Variants in DIP2A observed in about 807,000 individuals in gnomAD.
DIP2A encodes disco-interacting protein 2 homolog A.
Under a neutral mutation model 177.4 loss-of-function variants are expected in DIP2A, and 85 were observed. The observed-to-expected ratio is 0.48, with a 90% CI of 0.40 to 0.57. DIP2A has a LOEUF of 0.57. DIP2A is among the 20% of genes least tolerant of loss of function. The pLI is 0.00. For synonymous variants in DIP2A, 886 were observed against 881.8 expected (o/e 1.00, Z -0.08); for missense variants, 1,791 against 2,100.2 (o/e 0.85, Z 2.88).
chr21:46,494,135 T>G (rs1348966916), intron 3 of DIP2A, among the ~76,000 whole-genome samples: 3 of 152,254 alleles, frequency 2.0e-5, no homozygotes, highest in Non-Finnish European at 4.4e-5. Context: ...ATAGCAAATA[T>G]TCAGCCAATG....
chr21:46,573,625 CAG>C (rs1167648169), downstream of DIP2A, among the ~76,000 whole-genome samples: 2 of 95,842 alleles, frequency 2.1e-5, no homozygotes, highest in Non-Finnish European at 4.0e-5. Context: ...GCCTGGGAGA[CAG>C]AGTAAGACCC....
chr21:46,554,473 C>T (rs1398198214), intron 26 of DIP2A, 102 bp from the exon 27 acceptor site: 10 of 1,548,114 alleles, frequency 6.5e-6, no homozygotes, highest in Non-Finnish European at 8.7e-6. Context: ...CACCCATGCC[C>T]CCCCAGCACC....
chr21:46,498,502 A>C lies in DIP2A; in HGVS notation c.404-80A>C. ...GAAGCATGCTGCACACAGGTCTGGG[A>C]GGCTCCAGTGTGAGTGGGAACTCCG... On this transcript the variant is annotated intron_variant, in intron 4 of 37. Coordinates refer to ENST00000417564, the MANE Select transcript of DIP2A (RefSeq NM_015151.4). This position sits in a 1 kb window ranked among gnomAD's most constrained non-coding sequence, Gnocchi z 4.3. 1 of 1,506,114 alleles carries C rather than the reference A, an allele frequency of 6.6e-7. No homozygotes were observed. Among genetic ancestry groups the C allele is most frequent in the Non-Finnish European group, 9.0e-7 (1 of 1,112,654 alleles). The allele number at this position is 1,506,114 out of a possible 1,614,324, so 93.3% of individuals were successfully genotyped here. A position where few individuals can be genotyped will look rare whatever the true frequency, so the allele number is the denominator to read the frequency against.
At chr21:46,482,822 G>A (rs1407039569) in intron 1 of DIP2A, among the ~76,000 whole-genome samples, 1 of 152,296 alleles carries the variant, frequency 6.6e-6, no homozygotes, top group Non-Finnish European at 1.5e-5. Context: ...TGCAGCAGTG[G>A]AGTTCAGCCA....
intron 1 of DIP2A, among the ~76,000 whole-genome samples, chr21:46,471,250 T>C (rs1281183613): frequency 3.3e-5 from 5 of 152,130 alleles, no homozygotes; most frequent in Non-Finnish European, 7.4e-5. Context: ...AGGCTAGTCT[T>C]GAACTCCTGG....
chr21:46,532,523 A>G (rs2059396021), intron 10 of DIP2A, among the ~76,000 whole-genome samples: 2 of 152,168 alleles, frequency 1.3e-5, no homozygotes, highest in African/African-American at 4.8e-5. Flanking sequence ...GAATTTCCCA[A>G]CAGAAATGAT....
At chr21:46,549,211 A>G (rs922487935) in intron 21 of DIP2A, among the ~76,000 whole-genome samples, 9 of 152,204 alleles carry the variant, frequency 5.9e-5, no homozygotes, top group African/African-American at 2.2e-4. Context: ...CAGAGTCAGA[A>G]TGGTAGACAT....
chr21:46,537,305 G>A lies in DIP2A; in HGVS notation c.1707+17G>A, dbSNP rs2059613472. The A allele has an allele frequency of 6.2e-7, 1 of 1,613,786 alleles. No individual in the cohort carries two copies. The highest frequency in any genetic ancestry group is 1.1e-5 in the South Asian group (1 of 91,082). ...GTGTTAACAGTGAGTGTTGTTTGCT[G>A]ATGACTAACTGTTGGAACAAGGGAT... On this transcript the variant is annotated intron_variant, in intron 14 of 37. Transcript: ENST00000417564. This position sits in a 1 kb window ranked among gnomAD's most constrained non-coding sequence, Gnocchi z 4.1.
chr21:46,473,484 C>T (rs534772441), intron 1 of DIP2A, among the ~76,000 whole-genome samples: 233 of 149,578 alleles, frequency 1.6e-3, no homozygotes, highest in African/African-American at 5.4e-3. Flanking sequence ...GGGGCCATGG[C>T]GGTGGTTTTT....
In DIP2A at chr21:46,557,081, G is replaced by A. The variant is rs1360681179; in HGVS notation, c.3629+12G>A. 1 of 1,588,808 alleles carries A rather than the reference G, an allele frequency of 6.3e-7. No homozygotes were observed. Among genetic ancestry groups the A allele is most frequent in the Admixed American group, 1.7e-5 (1 of 57,534 alleles). On this transcript the variant is annotated intron_variant, in intron 30 of 37. Coordinates refer to ENST00000417564, the MANE Select transcript of DIP2A (RefSeq NM_015151.4). This position sits in a 1 kb window ranked among gnomAD's most constrained non-coding sequence, Gnocchi z 6.0. The stretch of plus-strand genomic sequence containing the variant: ...TGGTGTCTGTGCAGGTGAGTGCAGG[G>A]CCCCTGCTGCCTGCCAGGTGGGAGC...
rs552069693 is a variant in DIP2A at position 46,557,947 on chromosome 21, C to T, written c.3798+194C>T. Among the ~76,000 whole-genome samples, 3 of 152,338 alleles carry T rather than the reference C, an allele frequency of 2.0e-5. No homozygotes were observed. Among genetic ancestry groups the T allele is most frequent in the South Asian group, 4.1e-4 (2 of 4,830 alleles). On this transcript the variant is annotated intron_variant, in intron 31 of 37. Coordinates refer to ENST00000417564, the MANE Select transcript of DIP2A (RefSeq NM_015151.4). This position sits in a 1 kb window ranked among gnomAD's most constrained non-coding sequence, Gnocchi z 6.0. ...CACCTGTCTCTGCAGCTCCACACCC[C>T]GCAGGAGAGGAGGGTGGGGGGTAGG...
rs762254 is a variant in DIP2A at position 46,563,767 on chromosome 21, G to A, written c.4090-91G>A. 0.084 allele frequency: 128,583 copies of A among 1,535,538 alleles called. 6,541 individuals are homozygous for A. Among genetic ancestry groups the A allele is most frequent in the African/African-American group, 0.22 (16,070 of 72,724 alleles). ...ATGAGCACATCAGTCCTGCAGGCCA[G>A]CTTCTGAGGGACGTTATTTTAATGT... On this transcript the variant is annotated intron_variant, in intron 34 of 37. Transcript: ENST00000417564. The surrounding 1 kb of genome is among the most constrained non-coding windows in gnomAD (Gnocchi z 4.3).
At chr21:46,542,551 G>A (rs764306690) in intron 18 of DIP2A, among the ~76,000 whole-genome samples, 13 of 152,236 alleles carry the variant, frequency 8.5e-5, no homozygotes, top group East Asian at 1.9e-4. Context: ...AGGCCTGACC[G>A]TCATGTTAGA....
chr21:46,553,190 C>T (rs149154834), intron 25 of DIP2A: 1 of 152,346 alleles, frequency 6.6e-6, no homozygotes, highest in African/African-American at 2.4e-5. Flanking sequence ...ACTGGCAAAG[C>T]TTCCGGGATT....
At chr21:46,506,395 G>A (rs1441191855) in intron 6 of DIP2A, among the ~76,000 whole-genome samples, 1 of 152,198 alleles carries the variant, frequency 6.6e-6, no homozygotes, top group African/African-American at 2.4e-5. Flanking sequence ...TGGGATTATA[G>A]GTGTGAGCCA....
intron 1 of DIP2A, among the ~76,000 whole-genome samples, chr21:46,475,547 G>T (rs1218994453): frequency 6.6e-6 from 1 of 152,238 alleles, no homozygotes; most frequent in Non-Finnish European, 1.5e-5. Context: ...ACAGGCTTCA[G>T]TTTGAAAGTC....
Position 46,557,455 on chromosome 21 carries a change from C to A in DIP2A, c.3630-130C>A. 2 of 1,170,568 alleles carry A rather than the reference C, an allele frequency of 1.7e-6. No individual in the cohort carries two copies. The highest frequency in any genetic ancestry group is 1.5e-5 in the African/African-American group (1 of 65,032). 72.5% of individuals were successfully genotyped at this position (1,170,568 alleles called of 1,614,324 possible). On this transcript the variant is annotated intron_variant, in intron 30 of 37. Coordinates refer to ENST00000417564, the MANE Select transcript of DIP2A (RefSeq NM_015151.4). This position sits in a 1 kb window ranked among gnomAD's most constrained non-coding sequence, Gnocchi z 6.0. ...GTGGCATGTTTTCCACCAAACCCCC[C>A]CACTTGGCGTCAGAACAGAAATCAT...
chr21:46,555,354 A>AC (rs762078255), intron 28 of DIP2A, among the ~76,000 whole-genome samples: 5 of 151,676 alleles, frequency 3.3e-5, no homozygotes, highest in Non-Finnish European at 5.9e-5. Flanking sequence ...AGGGTCAGAA[A>AC]CCCCCCTGGC....
In DIP2A at chr21:46,556,193, C is replaced by T. The variant is rs1412845895; in HGVS notation, c.3498+102C>T. ...TTTAAACTGACAGGTCCTTCTTATG[C>T]AAAGCACAAAGCAACAATTTTGCTT... is the stretch of plus-strand genomic sequence containing the variant. On this transcript the variant is annotated intron_variant, in intron 29 of 37. Coordinates refer to ENST00000417564, the MANE Select transcript of DIP2A (RefSeq NM_015151.4). The surrounding 1 kb of genome is among the most constrained non-coding windows in gnomAD (Gnocchi z 4.5). The T allele has an allele frequency of 1.4e-6, 2 of 1,380,266 alleles. No individual in the cohort carries two copies. The highest frequency in any genetic ancestry group is 4.6e-5 in the East Asian group (2 of 43,522). The allele number at this position is 1,380,266 out of a possible 1,614,324, so 85.5% of individuals were successfully genotyped here.
Sources: gnomAD v4.1 joint callset for allele counts (sites outside exome capture counted in the v4.1 genomes callset) on GRCh38, gnomAD v4.1.1 for gene constraint, Gnocchi (gnomAD v3.1) non-coding constraint, MANE v1.5 for transcripts, NCBI Gene and HGNC (gene_info 2026-07-23, HGNC 2026-07-21) for gene names.